The following LNX1 variants were observed in gnomAD, a reference collection of about 807,000 sequenced individuals.
LNX1 encodes the protein E3 ubiquitin-protein ligase LNX.
A neutral mutation model predicts 68.4 loss-of-function variants in LNX1; 54 were observed. The ratio of observed to expected loss-of-function variants is 0.79; its 90% confidence interval spans 0.63 to 0.99. The LOEUF (loss-of-function observed/expected upper bound fraction) is 0.99. Ranked by LOEUF, LNX1 falls within the 50% of genes least tolerant of loss-of-function variation. LNX1 has a pLI of 0.00. For missense variants in LNX1, 906 were observed against 926.4 expected, an observed-to-expected ratio of 0.98 and a Z score of 0.29; for synonymous variants, 336 against 350.0, an observed-to-expected ratio of 0.96 and a Z score of 0.45.
Position 53,459,869 on chromosome 4 carries a change from A to G in LNX1, c.*1038T>C, listed in dbSNP as rs1347389460. ...CCCTCTAAGGCTTGAGATTAAAACT[A>G]GTCTTTATCATTACTGCTGTGACAC... On this transcript the variant is annotated 3_prime_UTR_variant, in exon 11 of 11. Transcript: ENST00000263925. 1 of 238,272 alleles carries G rather than the reference A, an allele frequency of 4.2e-6. No individual in the cohort carries two copies. Among genetic ancestry groups the G allele is most frequent in the Non-Finnish European group, 8.2e-6 (1 of 121,424 alleles). The allele number at this position is 238,272 out of a possible 1,614,324, so 14.8% of individuals were successfully genotyped here.
chr4:53,595,138 G>A (rs1204856745), upstream of LNX1, among the ~76,000 whole-genome samples: 1 of 152,226 alleles, frequency 6.6e-6, no homozygotes, highest in Non-Finnish European at 1.5e-5. Context: ...GGCCTTGAAC[G>A]ATTTGGAGAG....
chr4:53,487,820 A>C (rs1286547167), intron 6 of LNX1, among the ~76,000 whole-genome samples: 1 of 152,230 alleles, frequency 6.6e-6, no homozygotes, highest in Admixed American at 6.5e-5. Context: ...CTTCTTTAAA[A>C]AATGTATTCT....
rs1356226093 is a variant in LNX1, at chr4:53,508,062, A to G, written c.546T>C (p.Pro182=). 1 of 1,614,150 alleles carries G rather than the reference A, an allele frequency of 6.2e-7. No individual in the cohort carries two copies. The highest frequency in any genetic ancestry group is 8.5e-7 in the Non-Finnish European group (1 of 1,180,016). ...CGTCCTCTGCCGAGGACACGTAGGC[A>G]GGGTTGTCTAGGCCAGGCTCGTCTG... The part of the protein sequence containing the change: ...LMTDEPGLDN[P]AYVSSAEDGQ... The change falls in exon 3 of 11, where the codon CCT becomes CCC. Residue 182 remains proline (P), a synonymous_variant. Coordinates refer to ENST00000263925, the MANE Select transcript of LNX1 (RefSeq NM_001126328.3).
At chr4:53,478,366 G>A (rs928414944) in intron 8 of LNX1, among the ~76,000 whole-genome samples, 199 bp downstream of exon 8, 4 of 150,652 alleles carry the variant, frequency 2.7e-5, no homozygotes, top group African/African-American at 1.0e-4. Flanking sequence ...TTACTTGCAG[G>A]CAAGTTGGCC....
chr4:53,651,584 T>C (rs1252010894), intron 1 of LNX1, among the ~76,000 whole-genome samples: 1 of 152,212 alleles, frequency 6.6e-6, no homozygotes, highest in Non-Finnish European at 1.5e-5. Flanking sequence ...TCTGGAATTT[T>C]GTTTAAAGAG....
In LNX1 at chr4:53,498,857, A is replaced by G; in HGVS notation, c.776-14T>C. ...ACCTTGGAAAGACTGAAATGGACAA[A>G]GAGTGTTTATTTAAGACACCCACCC... is the stretch of plus-strand genomic sequence containing the variant. On this transcript the variant is annotated splice_polypyrimidine_tract_variant and intron_variant, in intron 4 of 10. Coordinates refer to ENST00000263925, the MANE Select transcript of LNX1 (RefSeq NM_001126328.3). 1 of 1,602,764 alleles carries G rather than the reference A, an allele frequency of 6.2e-7. No homozygotes were observed. The highest frequency in any genetic ancestry group is 8.5e-7 in the Non-Finnish European group (1 of 1,170,920).
intron 2 of LNX1, among the ~76,000 whole-genome samples, chr4:53,564,057 T>TGAAG (rs1730467591): frequency 6.6e-6 from 1 of 152,212 alleles, no homozygotes. Context: ...TGGGCGCCTG[T>TGAAG]GAAGGACTCA....
intron 2 of LNX1, among the ~76,000 whole-genome samples, chr4:53,536,045 T>C (rs1728349050): frequency 6.6e-6 from 1 of 152,204 alleles, no homozygotes; most frequent in Admixed American, 6.5e-5. Context: ...CAAGTCCTCC[T>C]ACCTGTTTTT....
At chr4:53,478,304 A>G (rs1176836870) in intron 8 of LNX1, among the ~76,000 whole-genome samples, 1 of 152,176 alleles carries the variant, frequency 6.6e-6, no homozygotes, top group Non-Finnish European at 1.5e-5. Context: ...TAACTTGCTC[A>G]TAACTGTAGC....
chr4:53,477,003 G>T lies in LNX1; in HGVS notation c.1664-22C>A. The T allele has an allele frequency of 6.3e-6, 10 of 1,595,492 alleles. 1 individual carries two copies. Among genetic ancestry groups the T allele is most frequent in the South Asian group, 3.3e-5 (3 of 90,776 alleles). The stretch of plus-strand genomic sequence containing the variant: ...TCACCTGATGGCCAGAGAAGCAGAA[G>T]CTATCTTTAGTGAGAGCACAAACAG... On this transcript the variant is annotated intron_variant, in intron 8 of 10. Transcript: ENST00000263925.
rs115798100 is a variant in LNX1 at position 53,530,487 on chromosome 4, C to T, written c.381-22260G>A. On this transcript the variant is annotated intron_variant, in intron 2 of 10. Coordinates refer to ENST00000263925, the MANE Select transcript of LNX1 (RefSeq NM_001126328.3). ...ATTATATTTTCATGTATCAAATCAG[C>T]GATGATAACATCCATTGCATATAAA... is the stretch of plus-strand genomic sequence containing the variant. 2.5e-3 allele frequency among the ~76,000 whole-genome samples: 383 copies of T among 152,250 alleles called. 2 individuals are homozygous for T. The highest frequency in any genetic ancestry group is 0.023 in the South Asian group (109 of 4,820).
intron 7 of LNX1, 53 bp from the exon 8 acceptor site, chr4:53,478,795 T>C: frequency 6.5e-7 from 1 of 1,543,852 alleles, no homozygotes; most frequent in African/African-American, 1.4e-5. Flanking sequence ...TCTGGTAGTT[T>C]TTGAATGTAG....
intron 9 of LNX1, among the ~76,000 whole-genome samples, chr4:53,462,161 A>AGAT (rs1205750732): frequency 1.3e-5 from 2 of 152,128 alleles, no homozygotes; most frequent in African/African-American, 2.4e-5. Context: ...AAACGTTTAA[A>AGAT]GATTATAAGA....
At chr4:53,467,117 C>T (rs1476976145) in intron 9 of LNX1, among the ~76,000 whole-genome samples, 1 of 152,124 alleles carries the variant, frequency 6.6e-6, no homozygotes, top group Non-Finnish European at 1.5e-5. Flanking sequence ...TGACACCTCA[C>T]ATGGCTGGGT....
chr4:53,552,555 G>A lies in LNX1; in HGVS notation c.380+21068C>T, dbSNP rs111919468. ...TTAAACTTAAATATTTAGGCTAGGC[G>A]CAGTGGCTCACGCCTGTAATTCCAG... is the stretch of plus-strand genomic sequence containing the variant. On this transcript the variant is annotated intron_variant, in intron 2 of 10. Transcript: ENST00000263925. 9.9e-5 allele frequency among the ~76,000 whole-genome samples: 15 copies of A among 152,216 alleles called. No individual in the cohort carries two copies. The South Asian group carries it at 1.9e-3, about 19-fold the overall frequency.
chr4:53,583,628 G>A (rs1282725711), intron 1 of LNX1, among the ~76,000 whole-genome samples: 1 of 152,136 alleles, frequency 6.6e-6, no homozygotes, highest in Non-Finnish European at 1.5e-5. Flanking sequence ...TTGAACTAAA[G>A]GGAGACCATG....
At chr4:53,538,425 A>G (rs1728521555) in intron 2 of LNX1, among the ~76,000 whole-genome samples, 1 of 152,158 alleles carries the variant, frequency 6.6e-6, no homozygotes, top group African/African-American at 2.4e-5. Flanking sequence ...AACTCCAAGG[A>G]AAATTAGTGG....
chr4:53,471,307 G>A (rs1723159773), intron 9 of LNX1, among the ~76,000 whole-genome samples: 1 of 151,940 alleles, frequency 6.6e-6, no homozygotes, highest in Non-Finnish European at 1.5e-5. Flanking sequence ...GCTGAAACTG[G>A]ATCCCTTCCT....
chr4:53,498,952 C>T (rs757665685), intron 4 of LNX1, 109 bp from the exon 5 acceptor site: 11 of 783,948 alleles, frequency 1.4e-5, no homozygotes, highest in Non-Finnish European at 1.9e-5. Flanking sequence ...CATTTTTCCT[C>T]ATACATGTTT....
Sources: gnomAD v4.1 joint callset for allele counts (sites outside exome capture counted in the v4.1 genomes callset) on GRCh38, gnomAD v4.1.1 for gene constraint, MANE v1.5 for transcripts, NCBI Gene and HGNC (gene_info 2026-07-23, HGNC 2026-07-21) for gene names.